Variants in SCAMP1 observed in about 807,000 individuals in gnomAD.
SCAMP1 encodes the protein secretory carrier membrane protein 1.
In SCAMP1, 15 loss-of-function variants were observed where a neutral mutation model predicts 41.8. The observed-to-expected ratio is 0.36, with a 90% CI of 0.24 to 0.55. The LOEUF (loss-of-function observed/expected upper bound fraction) is 0.55. SCAMP1 is among the 20% of genes least tolerant of loss of function. The probability of loss-of-function intolerance (pLI) is 0.86; values close to 1 mark genes in which losing one functional copy is unlikely to be tolerated. For synonymous variants in SCAMP1, 135 were observed against 136.8 expected (o/e 0.99, Z 0.09); for missense variants, 341 against 412.6 (o/e 0.83, Z 1.50).
At chr5:78,397,410 T>A (rs1420182050) in intron 2 of SCAMP1, among the ~76,000 whole-genome samples, 1 of 152,154 alleles carries the variant, frequency 6.6e-6, no homozygotes, top group Non-Finnish European at 1.5e-5. Flanking sequence ...CTTCATGACC[T>A]TTAGTTAGGC....
intron 3 of SCAMP1, 85 bp from the exon 4 acceptor site, chr5:78,416,456 A>G (rs1337817236): frequency 4.2e-6 from 4 of 942,910 alleles, no homozygotes. Flanking sequence ...TTTCTCTCAT[A>G]GTAGAGAAGT....
At chr5:78,416,824 G>T (rs1319487509) in intron 4 of SCAMP1, among the ~76,000 whole-genome samples, 175 bp downstream of exon 4, 1 of 152,104 alleles carries the variant, frequency 6.6e-6, no homozygotes, top group Non-Finnish European at 1.5e-5. Flanking sequence ...TCTAATCTTG[G>T]CTGATTTGCA....
intron 6 of SCAMP1, among the ~76,000 whole-genome samples, chr5:78,423,016 GCACACACACACACA>G (rs57059961): frequency 0.036 from 1,197 of 33,396 alleles, 14 homozygotes; most frequent in African/African-American, 0.11. Flanking sequence ...ACGCGCGCGC[GCACACACACACACA>G]CACACACACA....
rs184912148 is a variant in SCAMP1, at chr5:78,402,335, C to T, written c.136-13185C>T. Among the ~76,000 whole-genome samples the T allele has an allele frequency of 6.1e-3, 932 of 152,066 alleles. 2 individuals carry two copies. Among genetic ancestry groups the T allele is most frequent in the Non-Finnish European group, 0.01 (710 of 67,990 alleles). On this transcript the variant is annotated intron_variant, in intron 2 of 8. Coordinates refer to ENST00000621999, the MANE Select transcript of SCAMP1 (RefSeq NM_004866.6). ...TTGATAGGTGTTAATTATATCCAAT[C>T]AACGGATGGTATTGTTGAATTCAGC... is the stretch of plus-strand genomic sequence containing the variant.
chr5:78,446,875 CAG>C (rs555542598), intron 6 of SCAMP1, among the ~76,000 whole-genome samples: 73 of 152,268 alleles, frequency 4.8e-4, no homozygotes, highest in Admixed American at 1.6e-3. Context: ...TTTTGTGACT[CAG>C]GGGAAATGGC....
intron 1 of SCAMP1, among the ~76,000 whole-genome samples, chr5:78,366,431 A>G (rs1288225343): frequency 6.6e-6 from 1 of 152,060 alleles, no homozygotes; most frequent in Admixed American, 6.5e-5. Flanking sequence ...GGTGTATGCC[A>G]CCACACTTGG....
At chr5:78,471,919 A>C (rs1419303941) in intron 8 of SCAMP1, among the ~76,000 whole-genome samples, 1 of 152,154 alleles carries the variant, frequency 6.6e-6, no homozygotes, top group African/African-American at 2.4e-5. Context: ...GCTAGAAAGT[A>C]GTGGAATTAG....
intron 2 of SCAMP1, among the ~76,000 whole-genome samples, chr5:78,396,238 T>G (rs915735850): frequency 6.6e-6 from 1 of 152,174 alleles, no homozygotes; most frequent in African/African-American, 2.4e-5. Flanking sequence ...AACCCTAATG[T>G]AAACTGTGGA....
chr5:78,450,756 A>G (rs1251516467), intron 7 of SCAMP1, among the ~76,000 whole-genome samples: 2 of 152,166 alleles, frequency 1.3e-5, no homozygotes, highest in Admixed American at 6.6e-5. Context: ...GTGTGATGCA[A>G]CTTTGTTCCA....
chr5:78,422,220 T>C (rs983046757), intron 6 of SCAMP1, among the ~76,000 whole-genome samples: 1 of 151,870 alleles, frequency 6.6e-6, no homozygotes, highest in Non-Finnish European at 1.5e-5. Context: ...TAGAAGTTAA[T>C]ATTTATAAAA....
rs780379087 is a variant in SCAMP1 at position 78,416,491 on chromosome 5, G to C, written c.235-50G>C. On this transcript the variant is annotated intron_variant, in intron 3 of 8. Transcript: ENST00000621999. ...TAGGAGTTAGCATATAAATGTTAAA[G>C]TATTTTATACTTCTGACAGTCTATT... 2.2e-6 allele frequency: 3 copies of C among 1,361,436 alleles called. No individual in the cohort carries two copies. The African/African-American group carries it at 4.4e-5, about 20-fold the overall frequency. 84.3% of individuals were successfully genotyped at this position (1,361,436 alleles called of 1,614,324 possible).
intron 8 of SCAMP1, among the ~76,000 whole-genome samples, chr5:78,469,478 A>G (rs1753820497): frequency 6.6e-6 from 1 of 152,012 alleles, no homozygotes; most frequent in Non-Finnish European, 1.5e-5. Context: ...ATTCACCAAA[A>G]AAAAAAAAAC....
At chr5:78,390,442 A>G (rs1580657218) in intron 2 of SCAMP1, among the ~76,000 whole-genome samples, 1 of 152,210 alleles carries the variant, frequency 6.6e-6, no homozygotes, top group South Asian at 2.1e-4. Flanking sequence ...TGATATATAA[A>G]AATGGTGGTT....
intron 6 of SCAMP1, among the ~76,000 whole-genome samples, chr5:78,435,171 G>A (rs1001960944): frequency 5.3e-5 from 8 of 151,956 alleles, no homozygotes; most frequent in African/African-American, 1.9e-4. Flanking sequence ...GAAAAGGAGA[G>A]CTTTATTTCT....
Position 78,402,338 on chromosome 5 carries a change from C to T in SCAMP1, c.136-13182C>T, listed in dbSNP as rs140891231. ...ATAGGTGTTAATTATATCCAATCAA[C>T]GGATGGTATTGTTGAATTCAGCTAT... On this transcript the variant is annotated intron_variant, in intron 2 of 8. Coordinates refer to ENST00000621999, the MANE Select transcript of SCAMP1 (RefSeq NM_004866.6). Among the ~76,000 whole-genome samples, 611 of 151,872 alleles carry T rather than the reference C, an allele frequency of 4.0e-3. 3 individuals are homozygous for T. Among genetic ancestry groups the T allele is most frequent in the African/African-American group, 0.014 (575 of 41,398 alleles).
chr5:78,419,575 C>T (rs370746857), intron 5 of SCAMP1, among the ~76,000 whole-genome samples: 189 of 152,274 alleles, frequency 1.2e-3, no homozygotes, highest in African/African-American at 4.4e-3. Context: ...CTCTCTGTTT[C>T]ATTTTTATTC....
At chr5:78,372,296 G>T (rs1454813306) in intron 1 of SCAMP1, among the ~76,000 whole-genome samples, 3 of 152,178 alleles carry the variant, frequency 2.0e-5, no homozygotes, top group African/African-American at 7.2e-5. Flanking sequence ...GCCAGTCATG[G>T]CCAGGAGTTG....
intron 1 of SCAMP1, among the ~76,000 whole-genome samples, chr5:78,376,186 C>T (rs1436330071): frequency 1.3e-5 from 2 of 152,112 alleles, no homozygotes; most frequent in African/African-American, 4.8e-5. Context: ...CTCTTTATTT[C>T]TAGCCGGCCG....
rs1754124105 is a variant in SCAMP1 at position 78,480,718 on chromosome 5, AAAT to A, written c.*5053_*5055del. The stretch of plus-strand genomic sequence containing the variant: ...CAGAAAGTGATACATGAGAAAATAA[AAAT>A]AAATCCTTAATTCTGTCATCTTGGG... On this transcript the variant is annotated 3_prime_UTR_variant, in exon 9 of 9. Transcript: ENST00000621999. 6.6e-6 allele frequency among the ~76,000 whole-genome samples: 1 copy of A among 152,196 alleles called. No homozygotes were observed. The highest frequency in any genetic ancestry group is 1.5e-5 in the Non-Finnish European group (1 of 68,032).
Sources: gnomAD v4.1 joint callset for allele counts (sites outside exome capture counted in the v4.1 genomes callset) on GRCh38, gnomAD v4.1.1 for gene constraint, MANE v1.5 for transcripts, NCBI Gene and HGNC (gene_info 2026-07-23, HGNC 2026-07-21) for gene names.